Variants in COL28A1 observed in about 807,000 individuals in gnomAD.
The protein encoded by COL28A1 is collagen type XXVIII alpha 1 chain.
Under a neutral mutation model 150.2 loss-of-function variants are expected in COL28A1, and 161 were observed. The ratio of observed to expected loss-of-function variants is 1.07; its 90% CI spans 0.94 to 1.22. The LOEUF (loss-of-function observed/expected upper bound fraction) is 1.22, where lower values mean the gene tolerates loss of function less well. Among genes scored for constraint, COL28A1 ranks in the 50% most tolerant of loss-of-function variants. The probability of loss-of-function intolerance (pLI) is 0.00; values close to 1 mark genes in which losing one functional copy is unlikely to be tolerated. For synonymous variants in COL28A1, 552 were observed against 469.7 expected (o/e 1.18, Z -2.26); for missense variants, 1,617 against 1,388.3 (o/e 1.16, Z -2.62).
intron 26 of COL28A1, among the ~76,000 whole-genome samples, chr7:7,418,887 A>G (rs1784247085): frequency 6.6e-6 from 1 of 152,206 alleles, no homozygotes; most frequent in African/African-American, 2.4e-5. Context: ...AAAATAGCAT[A>G]CCGCCAAAAT....
chr7:7,518,767 G>A (rs1332426443), intron 6 of COL28A1, among the ~76,000 whole-genome samples: 1 of 152,086 alleles, frequency 6.6e-6, no homozygotes, highest in East Asian at 1.9e-4. Context: ...CAAATGATGT[G>A]AACTAGAAAA....
At chr7:7,399,153 T>A (rs1053395659) in intron 27 of COL28A1, among the ~76,000 whole-genome samples, 6 of 152,158 alleles carry the variant, frequency 3.9e-5, no homozygotes, top group Non-Finnish European at 7.4e-5. Context: ...CATCTGCTTT[T>A]CACTCTTGGC....
chr7:7,423,419 G>A (rs770396991), intron 25 of COL28A1, among the ~76,000 whole-genome samples: 1 of 152,164 alleles, frequency 6.6e-6, no homozygotes, highest in Non-Finnish European at 1.5e-5. Flanking sequence ...TAGTGTTGCT[G>A]TAATAGACCC....
At chr7:7,457,605 G>A (rs1787269858) in intron 15 of COL28A1, among the ~76,000 whole-genome samples, 1 of 152,112 alleles carries the variant, frequency 6.6e-6, no homozygotes. Context: ...GATATTAAAG[G>A]CCATAATTGA....
intron 18 of COL28A1, among the ~76,000 whole-genome samples, chr7:7,450,470 A>G (rs1166669960): frequency 2.0e-5 from 3 of 152,232 alleles, no homozygotes; most frequent in African/African-American, 7.2e-5. Flanking sequence ...GTCAGAGCCT[A>G]GGAGAAGATA....
At chr7:7,488,544 T>C (rs1773145568) in intron 13 of COL28A1, among the ~76,000 whole-genome samples, 1 of 152,232 alleles carries the variant, frequency 6.6e-6, no homozygotes, top group Non-Finnish European at 1.5e-5. Flanking sequence ...AAGCTTTATA[T>C]ACCAGAATAA....
upstream of COL28A1, among the ~76,000 whole-genome samples, chr7:7,536,313 A>G (rs1319654849): frequency 1.3e-5 from 2 of 152,082 alleles, no homozygotes; most frequent in Non-Finnish European, 2.9e-5. Flanking sequence ...GTGATTTTTG[A>G]AATTTTTTAT....
intron 11 of COL28A1, among the ~76,000 whole-genome samples, chr7:7,504,193 C>T (rs1780682899): frequency 6.6e-6 from 1 of 152,132 alleles, no homozygotes; most frequent in African/African-American, 2.4e-5. Flanking sequence ...TAAGTGATAA[C>T]ACTATTAGAC....
intron 20 of COL28A1, among the ~76,000 whole-genome samples, chr7:7,442,344 C>G (rs1352969935): frequency 6.6e-6 from 1 of 152,164 alleles, no homozygotes; most frequent in East Asian, 1.9e-4. Flanking sequence ...AACTCTCTTC[C>G]TTAGAGACAT....
the COL28A1 span, among the ~76,000 whole-genome samples, chr7:7,347,636 C>G: frequency 6.6e-6 from 1 of 151,984 alleles, no homozygotes; most frequent in African/African-American, 2.4e-5. Flanking sequence ...CAAAAGGGAG[C>G]CATTTCTGGG....
Position 7,506,068 on chromosome 7 carries a change from C to G in COL28A1, c.973-1G>C. 1 of 1,373,950 alleles carries G rather than the reference C, an allele frequency of 7.3e-7. No individual in the cohort carries two copies. Among genetic ancestry groups the G allele is most frequent in the Non-Finnish European group, 1.0e-6 (1 of 960,996 alleles). The allele number at this position is 1,373,950 out of a possible 1,614,324, so 85.1% of individuals were successfully genotyped here. On this transcript the variant is annotated splice_acceptor_variant, in intron 10 of 34. Transcript: ENST00000399429. LOFTEE classifies it high-confidence loss of function. ...GGTCTCCTGGAGGTCCAGTAATTCC[C>G]TGCTCCAGGATGAAAACCAAGAATT...
intron 27 of COL28A1, among the ~76,000 whole-genome samples, chr7:7,401,470 T>C (rs1783204353): frequency 6.6e-6 from 1 of 152,234 alleles, no homozygotes; most frequent in Admixed American, 6.5e-5. Context: ...TCTGAATTTC[T>C]GATTTCTCAA....
chr7:7,355,902 A>G (rs573698225), downstream of COL28A1, among the ~76,000 whole-genome samples: 4 of 152,208 alleles, frequency 2.6e-5, no homozygotes, highest in African/African-American at 9.6e-5. Context: ...TCACAGCAAC[A>G]GTGGCAGAAT....
At chr7:7,485,117 G>T (rs931829558) in intron 13 of COL28A1, among the ~76,000 whole-genome samples, 1 of 151,874 alleles carries the variant, frequency 6.6e-6, no homozygotes, top group Non-Finnish European at 1.5e-5. Flanking sequence ...ATGTACCCCT[G>T]AACCTCAAAT....
chr7:7,465,534 G>A (rs1274500821), intron 15 of COL28A1, among the ~76,000 whole-genome samples: 1 of 138,456 alleles, frequency 7.2e-6, no homozygotes, highest in East Asian at 2.2e-4. Context: ...GGGGAGGGGC[G>A]CCCGCCATTG....
chr7:7,484,193 T>A (rs1391969855), intron 13 of COL28A1, among the ~76,000 whole-genome samples: 1 of 151,842 alleles, frequency 6.6e-6, no homozygotes, highest in Non-Finnish European at 1.5e-5. Flanking sequence ...TAAAAAAAAA[T>A]TGCAAAAGCA....
At chr7:7,541,465 T>G in the COL28A1 span, among the ~76,000 whole-genome samples, 1 of 152,220 alleles carries the variant, frequency 6.6e-6, no homozygotes, top group Non-Finnish European at 1.5e-5. Flanking sequence ...TTGAGTAACT[T>G]TTACTTAATT....
chr7:7,461,196 C>A (rs190621632), intron 15 of COL28A1, among the ~76,000 whole-genome samples: 3 of 152,142 alleles, frequency 2.0e-5, no homozygotes, highest in South Asian at 2.1e-4. Flanking sequence ...GAGAGCCAAG[C>A]GAAATACAGG....
Position 7,427,964 on chromosome 7 carries a change from T to C in COL28A1, c.1998+4509A>G, listed in dbSNP as rs115066760. ...ATTTAGTTTTTCATTCATTCATCCATATCCATAGCCCCTCTCATATACAAA... is the reference window on the plus strand; with the variant it reads ...ATTTAGTTTTTCATTCATTCATCCACATCCATAGCCCCTCTCATATACAAA... On this transcript the variant is annotated intron_variant, in intron 25 of 34. Coordinates refer to ENST00000399429, the MANE Select transcript of COL28A1 (RefSeq NM_001037763.3). Among the ~76,000 whole-genome samples the C allele has an allele frequency of 2.6e-5, 4 of 152,266 alleles. No individual in the cohort carries two copies. In the South Asian group the frequency reaches 8.3e-4, roughly 32 times the overall value.
Sources: gnomAD v4.1 joint callset for allele counts (sites outside exome capture counted in the v4.1 genomes callset) on GRCh38, gnomAD v4.1.1 for gene constraint, MANE v1.5 for transcripts, NCBI Gene and HGNC (gene_info 2026-07-23, HGNC 2026-07-21) for gene names.